Variants in FHIT observed in about 807,000 individuals in gnomAD.
FHIT encodes the protein bis(5'-adenosyl)-triphosphatase.
In FHIT, 19 loss-of-function variants were observed where a neutral mutation model predicts 17.9. The observed-to-expected ratio is 1.06, with a 90% confidence interval of 0.74 to 1.56. The LOEUF (loss-of-function observed/expected upper bound fraction) is 1.56, where lower values mean the gene tolerates loss of function less well. Among genes scored for constraint, FHIT ranks in the 40% most tolerant of loss-of-function variants. FHIT has a pLI of 0.00. For missense variants in FHIT, 248 were observed against 189.2 expected, an observed-to-expected ratio of 1.31 and a Z score of -1.82; for synonymous variants, 81 against 69.7, an observed-to-expected ratio of 1.16 and a Z score of -0.81.
intron 7 of FHIT, among the ~76,000 whole-genome samples, chr3:59,968,968 G>A (rs535882326): frequency 4.6e-5 from 7 of 152,240 alleles, no homozygotes; most frequent in Admixed American, 6.5e-5. Flanking sequence ...CTTCATCTTC[G>A]AATTTTGCTG....
At chr3:60,259,826 G>C (rs780869022) in intron 5 of FHIT, among the ~76,000 whole-genome samples, 2 of 152,054 alleles carry the variant, frequency 1.3e-5, no homozygotes, top group Non-Finnish European at 2.9e-5. Flanking sequence ...TCCAGAGTGA[G>C]GTGGAGAAAG....
chr3:60,081,624 T>G (rs912884770), intron 5 of FHIT, among the ~76,000 whole-genome samples: 8 of 152,216 alleles, frequency 5.3e-5, no homozygotes, highest in Non-Finnish European at 1.0e-4. Context: ...AACTATATGC[T>G]GCTTACTGAA....
chr3:60,924,448 G>T (rs527760687), intron 3 of FHIT, among the ~76,000 whole-genome samples: 2 of 152,214 alleles, frequency 1.3e-5, no homozygotes, highest in South Asian at 2.1e-4. Flanking sequence ...AGGCAAACAG[G>T]GTCTAGAGTG....
chr3:60,062,114 G>C (rs1171416082), intron 5 of FHIT, among the ~76,000 whole-genome samples: 1 of 152,100 alleles, frequency 6.6e-6, no homozygotes, highest in East Asian at 1.9e-4. Context: ...GTAGAAAGGA[G>C]ATGAATTTTC....
chr3:60,931,649 T>C (rs987418755), intron 3 of FHIT, among the ~76,000 whole-genome samples: 10 of 152,312 alleles, frequency 6.6e-5, no homozygotes, highest in Admixed American at 5.2e-4. Context: ...AGGGAGCACC[T>C]GTAAAAGTCC....
At chr3:60,006,182 G>A (rs1699917288) in intron 7 of FHIT, among the ~76,000 whole-genome samples, 2 of 152,216 alleles carry the variant, frequency 1.3e-5, no homozygotes, top group African/African-American at 4.8e-5. Context: ...TTCGGACAGA[G>A]AGGGCCAGTA....
At chr3:60,234,421 T>C (rs945968605) in intron 5 of FHIT, among the ~76,000 whole-genome samples, 2 of 152,210 alleles carry the variant, frequency 1.3e-5, no homozygotes, top group African/African-American at 4.8e-5. Flanking sequence ...AATATATCCA[T>C]ACACAATACA....
At chr3:60,262,225 T>G (rs1169879352) in intron 5 of FHIT, among the ~76,000 whole-genome samples, 1 of 152,062 alleles carries the variant, frequency 6.6e-6, no homozygotes, top group South Asian at 2.1e-4. Flanking sequence ...CAAAGTATAA[T>G]TTTTAAAAAG....
chr3:60,016,639 C>T (rs1003083798), intron 5 of FHIT, among the ~76,000 whole-genome samples: 1 of 152,174 alleles, frequency 6.6e-6, no homozygotes, highest in African/African-American at 2.4e-5. Context: ...GAGATGAATG[C>T]TATTGGTAGA....
intron 8 of FHIT, among the ~76,000 whole-genome samples, chr3:59,768,797 T>C (rs1427659815): frequency 6.6e-6 from 1 of 152,248 alleles, no homozygotes; most frequent in Non-Finnish European, 1.5e-5. Flanking sequence ...TTTAATTATG[T>C]TATGTAAACC....
chr3:60,258,698 C>T (rs1041137538), intron 5 of FHIT, among the ~76,000 whole-genome samples: 1 of 152,034 alleles, frequency 6.6e-6, no homozygotes, highest in Non-Finnish European at 1.5e-5. Flanking sequence ...GACATGGGAG[C>T]CTTCATAGGA....
intron 5 of FHIT, among the ~76,000 whole-genome samples, chr3:60,072,078 A>G (rs1011071865): frequency 1.3e-5 from 2 of 152,200 alleles, no homozygotes; most frequent in African/African-American, 4.8e-5. Context: ...TAATACAGGT[A>G]ATAAAGACTT....
intron 2 of FHIT, among the ~76,000 whole-genome samples, chr3:61,174,007 A>C (rs1490502043): frequency 6.6e-6 from 1 of 152,240 alleles, no homozygotes; most frequent in Admixed American, 6.5e-5. Flanking sequence ...CTTGACCTGC[A>C]GTAATTGGGA....
At chr3:61,188,911 G>T (rs1223431959) in intron 2 of FHIT, among the ~76,000 whole-genome samples, 2 of 151,952 alleles carry the variant, frequency 1.3e-5, no homozygotes, top group African/African-American at 2.4e-5. Context: ...CTCAAAAAAT[G>T]AGGTATTGAT....
intron 3 of FHIT, among the ~76,000 whole-genome samples, chr3:61,000,230 A>G (rs750248788): frequency 2.6e-5 from 4 of 152,178 alleles, no homozygotes; most frequent in Non-Finnish European, 4.4e-5. Context: ...CACCACAGCA[A>G]GTAGGGTGAT....
intron 4 of FHIT, among the ~76,000 whole-genome samples, chr3:60,785,975 T>C (rs1700562213): frequency 6.6e-6 from 1 of 150,904 alleles, no homozygotes; most frequent in Non-Finnish European, 1.5e-5. Context: ...AGAGATTATC[T>C]ACAGAGATAA....
intron 5 of FHIT, among the ~76,000 whole-genome samples, chr3:60,386,482 C>A (rs1206040133): frequency 1.3e-5 from 2 of 152,160 alleles, no homozygotes; most frequent in Non-Finnish European, 2.9e-5. Context: ...TGTTCCTCTT[C>A]CTGTACTCTT....
chr3:60,068,974 C>T (rs11927585), intron 5 of FHIT, among the ~76,000 whole-genome samples: 52,454 of 152,088 alleles, frequency 0.34, 10,275 homozygotes, highest in Middle Eastern at 0.57. Flanking sequence ...AATTATGGTA[C>T]TTCCATACAT....
At chr3:60,868,070 T>G (rs183434756) in intron 3 of FHIT, among the ~76,000 whole-genome samples, 14 of 152,220 alleles carry the variant, frequency 9.2e-5, no homozygotes, top group Non-Finnish European at 1.8e-4. Flanking sequence ...CTGAATAGAA[T>G]TGAAGGTTTT....
Sources: allele counts gnomAD v4.1 joint callset (sites outside exome capture counted in the v4.1 genomes callset), GRCh38; gene constraint gnomAD v4.1.1; transcripts MANE v1.5; gene names NCBI Gene and HGNC (gene_info 2026-07-23, HGNC 2026-07-21).